ARSJ: variants seen among roughly 807,000 people sequenced by gnomAD.
The protein encoded by ARSJ is arylsulfatase family member J.
In ARSJ, 26 loss-of-function variants were observed where a neutral mutation model predicts 35.9. The ratio of observed to expected loss-of-function variants is 0.72; its 90% CI spans 0.53 to 1.00. ARSJ has a LOEUF of 1.00. Among genes scored for constraint, ARSJ ranks in the 50% least tolerant of loss-of-function variants. The pLI is 0.00. For synonymous variants in ARSJ, 294 were observed against 267.6 expected (o/e 1.10, Z -0.96); for missense variants, 667 against 723.6 (o/e 0.92, Z 0.90).
intron 1 of ARSJ, among the ~76,000 whole-genome samples, chr4:113,927,677 G>T (rs186266162): frequency 4.2e-4 from 64 of 152,258 alleles, no homozygotes; most frequent in African/African-American, 1.5e-3. Flanking sequence ...ACCACATCTG[G>T]TACAGCAGCT....
chr4:113,963,964 C>T (rs1726729578), intron 1 of ARSJ, among the ~76,000 whole-genome samples: 1 of 151,948 alleles, frequency 6.6e-6, no homozygotes, highest in Non-Finnish European at 1.5e-5. Flanking sequence ...TCTTAAAACA[C>T]TATTTTAAAT....
chr4:113,929,212 C>G (rs1299296097), intron 1 of ARSJ, among the ~76,000 whole-genome samples: 4 of 152,000 alleles, frequency 2.6e-5, no homozygotes, highest in Non-Finnish European at 4.4e-5. Flanking sequence ...GAGTGTAGAG[C>G]ATCTCCTCAT....
intron 1 of ARSJ, among the ~76,000 whole-genome samples, chr4:113,966,468 A>G (rs1726901717): frequency 1.3e-5 from 2 of 152,260 alleles, no homozygotes; most frequent in Admixed American, 1.3e-4. Flanking sequence ...GCCTACTGGA[A>G]GAAGAAGGCT....
chr4:113,949,373 C>T (rs879499375), intron 1 of ARSJ, among the ~76,000 whole-genome samples: 1 of 152,016 alleles, frequency 6.6e-6, no homozygotes, highest in Admixed American at 6.6e-5. Context: ...ACGAAATATG[C>T]TACATCTTCC....
At chr4:113,910,240 T>C (rs1407717107) in intron 1 of ARSJ, among the ~76,000 whole-genome samples, 1 of 152,188 alleles carries the variant, frequency 6.6e-6, no homozygotes, top group African/African-American at 2.4e-5. Context: ...TGAAGGTATA[T>C]AATTTTTTGT....
chr4:113,960,038 GT>G (rs1446374035), intron 1 of ARSJ, among the ~76,000 whole-genome samples: 1 of 151,198 alleles, frequency 6.6e-6, no homozygotes, highest in African/African-American at 2.4e-5. Context: ...TATCATTACG[GT>G]TTTTTTTCAG....
intron 1 of ARSJ, among the ~76,000 whole-genome samples, chr4:113,948,877 A>G (rs1282342712): frequency 1.3e-5 from 2 of 152,132 alleles, no homozygotes; most frequent in East Asian, 3.9e-4. Flanking sequence ...AGAGTTTGTT[A>G]AAATCCACCT....
intron 1 of ARSJ, among the ~76,000 whole-genome samples, chr4:113,954,003 T>G (rs1020671182): frequency 2.6e-5 from 4 of 152,036 alleles, no homozygotes; most frequent in Non-Finnish European, 5.9e-5. Flanking sequence ...ACTATAGTAA[T>G]AAGCATGGTT....
intron 1 of ARSJ, among the ~76,000 whole-genome samples, chr4:113,954,255 A>T (rs2888770): frequency 0.32 from 48,516 of 151,840 alleles, 7,899 homozygotes; most frequent in Admixed American, 0.36. Context: ...TGAATACAAG[A>T]TTCCTTGCAA....
intron 1 of ARSJ, among the ~76,000 whole-genome samples, chr4:113,935,056 A>G (rs1006821809): frequency 6.6e-6 from 1 of 151,802 alleles, no homozygotes; most frequent in African/African-American, 2.4e-5. Flanking sequence ...CTTTCCCTAA[A>G]ATGGGAATTA....
At chr4:113,942,082 G>A (rs1387830028) in intron 1 of ARSJ, among the ~76,000 whole-genome samples, 4 of 151,924 alleles carry the variant, frequency 2.6e-5, no homozygotes, top group African/African-American at 9.7e-5. Flanking sequence ...TTAAGTAAAT[G>A]AGGTGAATTT....
Position 113,903,486 on chromosome 4 carries a change from A to G in ARSJ, c.588T>C (p.Phe196=), listed in dbSNP as rs1232418320. ...CCCCACTTCCCAAAAGGGAACCAAAAAAGGTATCAAATCCTCTTCTGGTGG... is the reference window on the plus strand; with the variant it reads ...CCCCACTTCCCAAAAGGGAACCAAAGAAGGTATCAAATCCTCTTCTGGTGG... ...CMPTRRGFDT[F]FGSLLGSGDY... The change falls in exon 2 of 2, where the codon TTT becomes TTC. Residue 196 remains phenylalanine, a synonymous_variant. Coordinates refer to ENST00000315366, the MANE Select transcript of ARSJ (RefSeq NM_024590.4). The G allele has an allele frequency of 1.2e-6, 2 of 1,614,068 alleles. No individual in the cohort carries two copies. The highest frequency in any genetic ancestry group is 2.2e-5 in the South Asian group (2 of 91,084).
intron 1 of ARSJ, among the ~76,000 whole-genome samples, chr4:113,977,849 C>T (rs17621055): frequency 0.05 from 7,561 of 152,224 alleles, 383 homozygotes; most frequent in East Asian, 0.2. Flanking sequence ...CATTGTATTT[C>T]CTTGCATTTT....
chr4:113,912,206 A>G (rs945267341), intron 1 of ARSJ, among the ~76,000 whole-genome samples: 1 of 152,224 alleles, frequency 6.6e-6, no homozygotes, highest in Non-Finnish European at 1.5e-5. Flanking sequence ...AGGATATACC[A>G]TCATTTAGAA....
chr4:113,964,110 G>T (rs1726739366), intron 1 of ARSJ, among the ~76,000 whole-genome samples: 1 of 151,970 alleles, frequency 6.6e-6, no homozygotes, highest in African/African-American at 2.4e-5. Context: ...TCAGACTATT[G>T]ATCCAATTGA....
At chr4:113,910,890 A>G (rs2099670231) in intron 1 of ARSJ, among the ~76,000 whole-genome samples, 1 of 152,176 alleles carries the variant, frequency 6.6e-6, no homozygotes, top group Non-Finnish European at 1.5e-5. Flanking sequence ...TAAGTGTTAG[A>G]GTAGAGAACC....
At chr4:113,933,218 T>C (rs1724565431) in intron 1 of ARSJ, among the ~76,000 whole-genome samples, 1 of 151,818 alleles carries the variant, frequency 6.6e-6, no homozygotes, top group South Asian at 2.1e-4. Context: ...TAATAAAATG[T>C]CTCTGATCTA....
chr4:113,906,753 A>G (rs1410611349), intron 1 of ARSJ: 1 of 456,144 alleles, frequency 2.2e-6, no homozygotes, highest in Admixed American at 2.3e-5. Flanking sequence ...CATCTGTAAA[A>G]TAGGGATAAT....
At chr4:113,957,583 A>G (rs908560958) in intron 1 of ARSJ, among the ~76,000 whole-genome samples, 1 of 152,074 alleles carries the variant, frequency 6.6e-6, no homozygotes, top group African/African-American at 2.4e-5. Flanking sequence ...AAAACCCATC[A>G]ACTCTGAGCT....
Sources: gnomAD v4.1 joint callset for allele counts (sites outside exome capture counted in the v4.1 genomes callset) on GRCh38, gnomAD v4.1.1 for gene constraint, MANE v1.5 for transcripts, NCBI Gene and HGNC (gene_info 2026-07-23, HGNC 2026-07-21) for gene names.